The following RABGAP1L variants were observed in gnomAD, a reference collection of about 807,000 sequenced individuals.
The protein encoded by RABGAP1L is rab GTPase-activating protein 1-like.
In RABGAP1L, 63 loss-of-function variants were observed where a neutral mutation model predicts 137.7. That is an observed-to-expected ratio of 0.46 (90% CI 0.37 to 0.56). RABGAP1L has a LOEUF of 0.56. Among genes scored for constraint, RABGAP1L ranks in the 20% least tolerant of loss-of-function variants. The pLI is 0.00. For missense variants in RABGAP1L, 1,095 were observed against 1,244.0 expected (o/e 0.88, Z 1.80); for synonymous variants, 431 against 433.7 (o/e 0.99, Z 0.08).
chr1:174,544,260 A>G (rs1163597599), intron 13 of RABGAP1L, among the ~76,000 whole-genome samples: 2 of 151,232 alleles, frequency 1.3e-5, no homozygotes, highest in Non-Finnish European at 3.0e-5. Flanking sequence ...TTTTTTTCAC[A>G]TAGTCCCATA....
At chr1:174,754,087 A>G (rs1362732918) in intron 18 of RABGAP1L, among the ~76,000 whole-genome samples, 1 of 152,224 alleles carries the variant, frequency 6.6e-6, no homozygotes, top group African/African-American at 2.4e-5. Flanking sequence ...GTTAACACAG[A>G]CAAGGCCTCT....
intron 11 of RABGAP1L, among the ~76,000 whole-genome samples, chr1:174,318,830 T>C: frequency 6.6e-6 from 1 of 151,984 alleles, no homozygotes; most frequent in East Asian, 1.9e-4. Flanking sequence ...TGCCAACAGC[T>C]TAACTAACTG....
At chr1:174,737,262 T>G (rs564998609) in intron 17 of RABGAP1L, among the ~76,000 whole-genome samples, 1 of 152,296 alleles carries the variant, frequency 6.6e-6, no homozygotes, top group East Asian at 1.9e-4. Context: ...ATACTACCTC[T>G]AGAACACTTT....
intron 13 of RABGAP1L, among the ~76,000 whole-genome samples, chr1:174,499,762 A>G (rs1250102943): frequency 6.6e-6 from 1 of 152,220 alleles, no homozygotes; most frequent in Non-Finnish European, 1.5e-5. Flanking sequence ...AGCAATGACA[A>G]CAGTTCTAGT....
At chr1:174,206,020 G>A (rs746917252) in intron 1 of RABGAP1L, among the ~76,000 whole-genome samples, 3 of 152,108 alleles carry the variant, frequency 2.0e-5, no homozygotes, top group Non-Finnish European at 4.4e-5. Context: ...CTCCGTCTAG[G>A]GTTTACTTTT....
Position 174,691,910 on chromosome 1 carries a change from G to C in RABGAP1L, c.1900-7615G>C, listed in dbSNP as rs925904799. Among the ~76,000 whole-genome samples, 11 of 152,050 alleles carry C rather than the reference G, an allele frequency of 7.2e-5. No individual in the cohort carries two copies. In the East Asian group the frequency reaches 1.5e-3, roughly 21 times the overall value. On this transcript the variant is annotated intron_variant, in intron 15 of 25. Coordinates refer to ENST00000681986, the MANE Select transcript of RABGAP1L (RefSeq NM_001366446.1). Reference sequence around the variant, plus strand: ...AGGTGAAGTTTGACAGTACAACCTAGCATTGCATCTCACATCTTGGTTGAT... The same window carrying C: ...AGGTGAAGTTTGACAGTACAACCTACCATTGCATCTCACATCTTGGTTGAT...
chr1:174,565,883 CA>C (rs376102768), intron 13 of RABGAP1L, among the ~76,000 whole-genome samples: 29 of 133,224 alleles, frequency 2.2e-4, no homozygotes, highest in East Asian at 1.5e-3. Flanking sequence ...GAATCCTTTA[CA>C]TTTTTTTTTT....
intron 20 of RABGAP1L, among the ~76,000 whole-genome samples, chr1:174,960,297 T>C (rs1473548831): frequency 6.6e-6 from 1 of 152,180 alleles, no homozygotes; most frequent in African/African-American, 2.4e-5. Context: ...ACAGGGAACC[T>C]AGAGGTGGGA....
chr1:174,659,264 G>C (rs1420739027), intron 14 of RABGAP1L, among the ~76,000 whole-genome samples: 1 of 147,976 alleles, frequency 6.8e-6, no homozygotes, highest in Non-Finnish European at 1.5e-5. Context: ...ATCCTCAAAA[G>C]ATTGATCTAT....
chr1:174,365,521 A>T (rs1442677158), intron 11 of RABGAP1L, among the ~76,000 whole-genome samples: 3 of 151,920 alleles, frequency 2.0e-5, no homozygotes, highest in Non-Finnish European at 4.4e-5. Flanking sequence ...GCTGCGATGG[A>T]TGTTTCCCTG....
intron 13 of RABGAP1L, among the ~76,000 whole-genome samples, chr1:174,454,798 C>T (rs577012465): frequency 1.3e-5 from 2 of 152,028 alleles, no homozygotes; most frequent in Non-Finnish European, 2.9e-5. Context: ...GTGTTCTACC[C>T]GCCTCAGCCC....
At chr1:174,422,585 C>T (rs1651447074) in intron 13 of RABGAP1L, among the ~76,000 whole-genome samples, 1 of 151,900 alleles carries the variant, frequency 6.6e-6, no homozygotes. Context: ...CAAATACAGG[C>T]CCAAGAGAAG....
At chr1:174,914,845 CATT>C (rs1416742877) in intron 19 of RABGAP1L, among the ~76,000 whole-genome samples, 1 of 152,134 alleles carries the variant, frequency 6.6e-6, no homozygotes, top group Non-Finnish European at 1.5e-5. Context: ...CCCCCAGATC[CATT>C]CACCCCTAAT....
chr1:174,281,271 A>G (rs942902503), intron 10 of RABGAP1L, among the ~76,000 whole-genome samples: 1 of 151,752 alleles, frequency 6.6e-6, no homozygotes, highest in Admixed American at 6.6e-5. Context: ...TGATTGGTCC[A>G]TTTTACAGAG....
At chr1:174,666,846 A>G (rs1253131576) in intron 14 of RABGAP1L, among the ~76,000 whole-genome samples, 2 of 152,134 alleles carry the variant, frequency 1.3e-5, no homozygotes, top group African/African-American at 2.4e-5. Flanking sequence ...GAAAACTAAA[A>G]ACTTTCTTTA....
chr1:174,926,822 C>T (rs904683667), intron 19 of RABGAP1L, among the ~76,000 whole-genome samples: 4 of 151,884 alleles, frequency 2.6e-5, no homozygotes, highest in African/African-American at 7.3e-5. Flanking sequence ...CACCTGTAAT[C>T]CCAGCACTTT....
chr1:174,552,024 A>G (rs921512291), intron 13 of RABGAP1L, among the ~76,000 whole-genome samples: 2 of 152,170 alleles, frequency 1.3e-5, no homozygotes, highest in African/African-American at 2.4e-5. Context: ...TGAAGAAATT[A>G]AAAGCTCCTG....
intron 11 of RABGAP1L, among the ~76,000 whole-genome samples, chr1:174,332,004 G>A (rs1451384217): frequency 6.6e-6 from 1 of 151,942 alleles, no homozygotes; most frequent in African/African-American, 2.4e-5. Context: ...GTGCAGTGGT[G>A]CCAAAAACTC....
intron 13 of RABGAP1L, among the ~76,000 whole-genome samples, chr1:174,477,499 T>C (rs1442504465): frequency 6.6e-6 from 1 of 152,218 alleles, no homozygotes; most frequent in African/African-American, 2.4e-5. Flanking sequence ...TAGTGTTGAT[T>C]CAAAGTCAAC....
Sources: gnomAD v4.1 joint callset for allele counts (sites outside exome capture counted in the v4.1 genomes callset) on GRCh38, gnomAD v4.1.1 for gene constraint, MANE v1.5 for transcripts, NCBI Gene and HGNC (gene_info 2026-07-23, HGNC 2026-07-21) for gene names.